Variants in SLC15A3 observed in about 807,000 individuals in gnomAD.
The protein encoded by SLC15A3 is osteoclast transporter.
In SLC15A3, 39 loss-of-function variants were observed where a neutral mutation model predicts 49.2. That is an observed-to-expected ratio of 0.79 (90% CI 0.61 to 1.04). The LOEUF is 1.04. Among genes scored for constraint, SLC15A3 ranks in the 50% least tolerant of loss-of-function variants. The probability of loss-of-function intolerance (pLI) is 0.00; values close to 1 mark genes in which losing one functional copy is unlikely to be tolerated. For missense variants in SLC15A3, 758 were observed against 794.8 expected, an observed-to-expected ratio of 0.95 and a Z score of 0.56; for synonymous variants, 339 against 367.0, an observed-to-expected ratio of 0.92 and a Z score of 0.87.
rs1565126494 is a variant in SLC15A3, at chr11:60,941,197, A to G, written c.1201T>C (p.Cys401Arg). Residue 401 changes from cysteine to arginine, a missense_variant, in exon 5 of 8, where the codon TGC becomes CGC. Coordinates refer to ENST00000227880, the MANE Select transcript of SLC15A3 (RefSeq NM_016582.3). ...TGCAGAGCAGAGGGAAGCAGCTTGC[A>G]CCGCAGCAGTAAAGGGTCGATCAAG... ...DRLIDPLLLR[C>R]KLLPSALQKM... 3 of 1,614,158 alleles carry G rather than the reference A, an allele frequency of 1.9e-6. No individual in the cohort carries two copies. The highest frequency in any genetic ancestry group is 2.5e-6 in the Non-Finnish European group (3 of 1,180,018).
chr11:60,943,317 G>C (rs931170951), intron 3 of SLC15A3: 1 of 156,560 alleles, frequency 6.4e-6, no homozygotes, highest in African/African-American at 2.4e-5. Flanking sequence ...CGGACAATCT[G>C]AATGCAGCAG....
At chr11:60,945,808 T>C (rs1856792927) in intron 2 of SLC15A3, among the ~76,000 whole-genome samples, 2 of 152,212 alleles carry the variant, frequency 1.3e-5, no homozygotes, top group Non-Finnish European at 2.9e-5. Context: ...CAGGGTAATG[T>C]GGAATTATTT....
intron 2 of SLC15A3, 25 bp from the exon 3 acceptor site, chr11:60,943,861 T>C: frequency 6.7e-7 from 1 of 1,501,780 alleles, no homozygotes; most frequent in Non-Finnish European, 9.0e-7. Context: ...AGGCAGCAGA[T>C]AAAACAACAG....
intron 3 of SLC15A3, 188 bp downstream of exon 3, chr11:60,943,501 C>T (rs1381379828): frequency 6.2e-6 from 3 of 485,460 alleles, no homozygotes; most frequent in Non-Finnish European, 1.0e-5. Context: ...TGCCGTACCA[C>T]CGAGGGAGTT....
At chr11:60,941,368 G>C in intron 4 of SLC15A3, 78 bp from the exon 5 acceptor site, 1 of 1,467,144 alleles carries the variant, frequency 6.8e-7, no homozygotes, top group Non-Finnish European at 9.2e-7. Flanking sequence ...CTGGACTCTA[G>C]ACTGGCCCTG....
chr11:60,951,577 G>A lies in SLC15A3; in HGVS notation c.-26C>T. 2 of 1,128,306 alleles carry A rather than the reference G, an allele frequency of 1.8e-6. No homozygotes were observed. The highest frequency in any genetic ancestry group is 2.2e-6 in the Non-Finnish European group (2 of 922,764). 69.9% of individuals were successfully genotyped at this position (1,128,306 alleles called of 1,614,324 possible). A position where few individuals can be genotyped will look rare whatever the true frequency, so the allele number is the denominator to read the frequency against. ...CCTGGCTCCGGGCTGGGCCCCCCGC[G>A]GCTCTTCTCTCCTCTCCTCTCCCCG... On this transcript the variant is annotated 5_prime_UTR_variant, in exon 1 of 8. Transcript: ENST00000227880.
rs775536680 is a variant in SLC15A3 at position 60,937,977 on chromosome 11, A to G, written c.1484T>C (p.Ile495Thr). The change falls in exon 7 of 8, where the codon ATC (isoleucine) becomes ACC (threonine). Residue 495 changes from isoleucine to threonine, a missense_variant. Physicochemically the swap from Ile to Thr is moderately conservative, Grantham distance 89 (BLOSUM62 -1). This residue lies in a region of SLC15A3 where 699 missense variants were observed against 706.7 expected (regional missense o/e 0.99). Transcript: ENST00000227880. ...SEAPRSMQGA[I>T]MGIFFCLSGV... ...CGACAGGCAGAAGAAGATGCCCATG[A>G]TGGCGCCCTGCATGGAGCGCGGGGC... The G allele has an allele frequency of 2.5e-6, 4 of 1,614,154 alleles. No homozygotes were observed. Among genetic ancestry groups the G allele is most frequent in the Non-Finnish European group, 3.4e-6 (4 of 1,180,008 alleles).
Position 60,937,119 on chromosome 11 carries a change from A to G in SLC15A3, c.*100T>C. ...GGGCTCATGCCCCTTATTTATGGGA[A>G]CCATTTCATTCTAACAGAATAAACC... On this transcript the variant is annotated 3_prime_UTR_variant, in exon 8 of 8. Transcript: ENST00000227880. 1 of 1,498,870 alleles carries G rather than the reference A, an allele frequency of 6.7e-7. No homozygotes were observed. Among genetic ancestry groups the G allele is most frequent in the South Asian group, 1.3e-5 (1 of 76,250 alleles). 92.8% of individuals were successfully genotyped at this position (1,498,870 alleles called of 1,614,324 possible).
chr11:60,941,900 A>T, intron 4 of SLC15A3, 135 bp downstream of exon 4: 1 of 822,222 alleles, frequency 1.2e-6, no homozygotes, highest in Non-Finnish European at 2.0e-6. Flanking sequence ...CCCACCCTCC[A>T]GGTGCTTTTC....
At position 60,941,290 on chromosome 11, in the gene SLC15A3, T is replaced by G. The variant is rs1856705346; in HGVS notation, c.1108A>C (p.Ile370Leu). 6 of 1,612,950 alleles carry G rather than the reference T, an allele frequency of 3.7e-6. No homozygotes were observed. Among genetic ancestry groups the G allele is most frequent in the Non-Finnish European group, 5.1e-6 (6 of 1,179,520 alleles). ...GCCAGGAGGAGCCAGGCTTCCGGGA[T>G]CTGGGCAGGAGGAAGTCAGGAGAGG... The part of the protein sequence containing the change: ...ALRAQGSSYT[I>L]PEAWLLLANV... Residue 370 changes from isoleucine to leucine, a missense_variant and splice_region_variant, in exon 5 of 8, where the codon ATC (isoleucine) becomes CTC (leucine). Physicochemically the swap from Ile to Leu is conservative, Grantham distance 5. Coordinates refer to ENST00000227880, the MANE Select transcript of SLC15A3 (RefSeq NM_016582.3).
Position 60,951,050 on chromosome 11 carries a change from GTA to G in SLC15A3, c.500_501del (p.Leu167ProfsTer99). The G allele has an allele frequency of 6.7e-7, 1 of 1,496,566 alleles. No homozygotes were observed. The highest frequency in any genetic ancestry group is 1.5e-5 in the African/African-American group (1 of 68,706). The allele number at this position is 1,496,566 out of a possible 1,614,324, so 92.7% of individuals were successfully genotyped here. ...CAPVLYAGLL[L>X]LGLAASSVRS... ...CGGACGGAGCTGGCGGCCAGGCCGA[GTA>G]GCAGCAGGCCCGCGTAGAGGACGGG... On this transcript the variant is annotated frameshift_variant, in exon 1 of 8. Coordinates refer to ENST00000227880, the MANE Select transcript of SLC15A3 (RefSeq NM_016582.3). LOFTEE classifies it high-confidence loss of function.
At chr11:60,948,123 C>G (rs1369584739) in intron 1 of SLC15A3, among the ~76,000 whole-genome samples, 1 of 152,120 alleles carries the variant, frequency 6.6e-6, no homozygotes, top group Non-Finnish European at 1.5e-5. Flanking sequence ...GGGGAAAAGA[C>G]AAGTATTTAT....
At chr11:60,944,078 GA>G (rs58723795) in intron 2 of SLC15A3, among the ~76,000 whole-genome samples, 1 of 152,308 alleles carries the variant, frequency 6.6e-6, no homozygotes, top group East Asian at 1.9e-4. Flanking sequence ...AGAATTGCTT[GA>G]ACCTGGGAGA....
intron 1 of SLC15A3, among the ~76,000 whole-genome samples, chr11:60,949,538 AAG>A (rs1565129927): frequency 1.3e-5 from 1 of 78,280 alleles, no homozygotes; most frequent in Non-Finnish European, 3.5e-5. Context: ...GAAAGAAAGA[AAG>A]AAAGAAAGAA....
In SLC15A3 at chr11:60,950,864, C is replaced by A. The variant is rs985888910; in HGVS notation, c.558+130G>T. The stretch of plus-strand genomic sequence containing the variant: ...TGCCATCGGTTTTGCAAGGGCTAGC[C>A]CCCCTCTTCTTTCAAATCAGGAAAC... On this transcript the variant is annotated intron_variant, in intron 1 of 7. Transcript: ENST00000227880. The A allele has an allele frequency of 4.0e-6, 4 of 988,920 alleles. No homozygotes were observed. The African/African-American group carries it at 6.9e-5, about 17-fold the overall frequency. 61.3% of individuals were successfully genotyped at this position (988,920 alleles called of 1,614,324 possible).
chr11:60,945,757 C>A (rs1024712230), intron 2 of SLC15A3, among the ~76,000 whole-genome samples: 3 of 152,128 alleles, frequency 2.0e-5, no homozygotes, highest in African/African-American at 7.2e-5. Flanking sequence ...GAGGAGGGAG[C>A]GAGTTTGGCC....
rs147928255 is a variant in SLC15A3, at chr11:60,946,731, C to A, written c.649G>T (p.Val217Leu). 6.8e-5 allele frequency: 109 copies of A among 1,614,088 alleles called. No homozygotes were observed. The highest frequency in any genetic ancestry group is 8.3e-5 in the Non-Finnish European group (98 of 1,180,042). ...CTGATGTTCTGCTGAATAAACGCCA[C>A]CACCAGCAGCGACAGCACAGCACCC... The part of the protein sequence containing the change: ...NLGAVLSLLV[V>L]AFIQQNISFL... Residue 217 changes from valine (V) to leucine (L), a missense_variant, in exon 2 of 8, where the codon GTG becomes TTG. Val to Leu is a conservative substitution (Grantham distance 32, BLOSUM62 1). Around this residue, in one of 3 missense-constraint regions of SLC15A3, gnomAD observed 699 missense variants for 706.7 expected, o/e 0.99. Coordinates refer to ENST00000227880, the MANE Select transcript of SLC15A3 (RefSeq NM_016582.3).
At position 60,951,644 on chromosome 11, in the gene SLC15A3, C is replaced by A. The variant is rs1241168619; in HGVS notation, c.-93G>T. Reference sequence around the variant, plus strand: ...TCCTGCCCCCGGGCCTCGGCCCTCTCCCCCACCCAACTGGCTGGCCCTCCT... The same window carrying A: ...TCCTGCCCCCGGGCCTCGGCCCTCTACCCCACCCAACTGGCTGGCCCTCCT... On this transcript the variant is annotated 5_prime_UTR_variant, in exon 1 of 8. Transcript: ENST00000227880. 1.0e-6 allele frequency: 1 copy of A among 963,184 alleles called. No individual in the cohort carries two copies. Among genetic ancestry groups the A allele is most frequent in the Non-Finnish European group, 1.3e-6 (1 of 799,658 alleles). 59.7% of individuals were successfully genotyped at this position (963,184 alleles called of 1,614,324 possible).
intron 3 of SLC15A3, chr11:60,942,744 G>A (rs1015920520): frequency 6.6e-6 from 1 of 152,458 alleles, no homozygotes; most frequent in African/African-American, 2.4e-5. Context: ...ATGGAAGGAA[G>A]TCAGTATCTG....
Sources: gnomAD v4.1 joint callset for allele counts (sites outside exome capture counted in the v4.1 genomes callset) on GRCh38, gnomAD v4.1.1 for gene constraint, gnomAD v4.1.1 regional missense constraint, MANE v1.5 for transcripts, NCBI Gene and HGNC (gene_info 2026-07-23, HGNC 2026-07-21) for gene names.